Variants in ANKRD26 observed in about 807,000 individuals in gnomAD.
The protein encoded by ANKRD26 is ankyrin repeat domain 26, also known as ankyrin repeat domain-containing protein 26.
A neutral mutation model predicts 208.7 loss-of-function variants in ANKRD26; 141 were observed. That is an observed-to-expected ratio of 0.68 (90% confidence interval 0.59 to 0.78). ANKRD26 has a LOEUF of 0.78. ANKRD26 is among the 30% of genes least tolerant of loss of function. ANKRD26 has a pLI of 0.00. For missense variants in ANKRD26, 1,889 were observed against 1,938.7 expected (o/e 0.97, Z 0.48); for synonymous variants, 636 against 660.4 (o/e 0.96, Z 0.57).
chr10:27,074,542 A>G (rs1282723318), intron 9 of ANKRD26, among the ~76,000 whole-genome samples: 2 of 152,088 alleles, frequency 1.3e-5, no homozygotes, highest in Non-Finnish European at 2.9e-5. Context: ...TTAGCTGGAC[A>G]TGGTAGCGTA....
At chr10:27,056,665 T>C (rs1048337715) in intron 15 of ANKRD26, among the ~76,000 whole-genome samples, 2 of 151,846 alleles carry the variant, frequency 1.3e-5, no homozygotes, top group Non-Finnish European at 2.9e-5. Context: ...TAATCCCAGC[T>C]ACTTGGGAGG....
rs770968616 is a variant in ANKRD26, at chr10:27,061,289, A to G, written c.1364-47T>C. The G allele has an allele frequency of 9.2e-6, 12 of 1,308,766 alleles. No homozygotes were observed. In the Admixed American group the frequency reaches 2.0e-4, roughly 22 times the overall value. The allele number at this position is 1,308,766 out of a possible 1,614,324, so 81.1% of individuals were successfully genotyped here. On this transcript the variant is annotated intron_variant, in intron 12 of 33. Coordinates refer to ENST00000376087, the MANE Select transcript of ANKRD26 (RefSeq NM_014915.3). ...GCTTTCAATATTGTAATATTTATCA[A>G]AAGGAAAAAATTTAATTGCCACAGA...
downstream of ANKRD26, among the ~76,000 whole-genome samples, chr10:26,991,567 C>A (rs181666164): frequency 5.6e-4 from 85 of 152,170 alleles, no homozygotes; most frequent in African/African-American, 1.9e-3. Context: ...CTTAGCCTCC[C>A]GAGTAGCTGA....
chr10:27,009,517 C>A (rs1365333975), intron 32 of ANKRD26, among the ~76,000 whole-genome samples: 1 of 151,970 alleles, frequency 6.6e-6, no homozygotes, highest in Admixed American at 6.6e-5. Flanking sequence ...GTGCCTGATA[C>A]AGACTATGGA....
chr10:27,033,366 T>C lies in ANKRD26; in HGVS notation c.3666A>G (p.Arg1222=). The C allele has an allele frequency of 6.2e-7, 1 of 1,609,666 alleles. No homozygotes were observed. Among genetic ancestry groups the C allele is most frequent in the African/African-American group, 1.3e-5 (1 of 75,016 alleles). ...NEKAEREVVV[R]QLQQELADTL... ...TATCAGCTAGTTCTTGTTGAAGTTG[T>C]CTCACAACAACCTGATAAGACATTT... The change falls in exon 25 of 34, where the codon AGA becomes AGG. Residue 1222 remains arginine, a synonymous_variant. Transcript: ENST00000376087.
chr10:26,963,903 GTTTTTTTTTTTTTT>G, the ANKRD26 span, among the ~76,000 whole-genome samples: 2 of 71,848 alleles, frequency 2.8e-5, no homozygotes, highest in South Asian at 1.1e-3. Context: ...TGGTTGGTTG[GTTTTTTTTTTTTTT>G]TTTTTTTTTT....
chr10:26,980,959 G>A (rs982716431), intron 4 of ANKRD26, among the ~76,000 whole-genome samples: 1 of 152,182 alleles, frequency 6.6e-6, no homozygotes, highest in Non-Finnish European at 1.5e-5. Context: ...CTCCTGTAAG[G>A]AGGTGAGGCA....
intron 9 of ANKRD26, among the ~76,000 whole-genome samples, chr10:27,072,709 C>G (rs183386252): frequency 6.6e-6 from 1 of 152,284 alleles, no homozygotes; most frequent in Admixed American, 6.5e-5. Context: ...TGACACAGCA[C>G]CAAGGAAGTA....
intron 26 of ANKRD26, 45 bp from the exon 27 acceptor site, chr10:27,028,990 T>G: frequency 5.5e-6 from 8 of 1,451,072 alleles, no homozygotes; most frequent in Non-Finnish European, 7.6e-6. Context: ...GATAAATTTT[T>G]AAAATACTGT....
At chr10:26,958,963 G>GT in the ANKRD26 span, among the ~76,000 whole-genome samples, 2 of 152,084 alleles carry the variant, frequency 1.3e-5, no homozygotes, top group African/African-American at 4.8e-5. Flanking sequence ...AGCATCTGTT[G>GT]TTTTTTGAGT....
intron 6 of ANKRD26, chr10:27,080,674 AG>A: frequency 1.0e-6 from 1 of 985,494 alleles, no homozygotes; most frequent in African/African-American, 1.7e-5. Flanking sequence ...AGGGCTCCAT[AG>A]CATCTCCAAC....
Position 27,089,430 on chromosome 10 carries a change from T to C in ANKRD26, c.639-2821A>G, listed in dbSNP as rs539707405. On this transcript the variant is annotated intron_variant, in intron 4 of 33. Coordinates refer to ENST00000376087, the MANE Select transcript of ANKRD26 (RefSeq NM_014915.3). ...TTTTTTATCCCATGCATAGGGGTTA[T>C]AATTGGAATGAAATGAATGATATTG... 2.2e-3 allele frequency among the ~76,000 whole-genome samples: 331 copies of C among 152,314 alleles called. 1 individual carries two copies. Among genetic ancestry groups the C allele is most frequent in the Non-Finnish European group, 4.1e-3 (277 of 68,042 alleles).
intron 20 of ANKRD26, among the ~76,000 whole-genome samples, chr10:27,041,887 T>C (rs1268325435): frequency 1.3e-5 from 2 of 150,770 alleles, no homozygotes; most frequent in African/African-American, 4.9e-5. Context: ...GAGAAAAAAA[T>C]GAAAGCAAAC....
Position 27,057,866 on chromosome 10 carries a change from G to A in ANKRD26, c.1564+2479C>T, listed in dbSNP as rs2054895356. Among the ~76,000 whole-genome samples, 3 of 151,992 alleles carry A rather than the reference G, an allele frequency of 2.0e-5. 1 individual carries two copies. Among genetic ancestry groups the A allele is most frequent in the African/African-American group, 2.4e-5 (1 of 41,452 alleles). Reference sequence around the variant, plus strand: ...GCAGGAGAATCGCTTGAACCTAGGAGGCAGAGGCTGCAGTGAGCCGAGATC... The same window carrying A: ...GCAGGAGAATCGCTTGAACCTAGGAAGCAGAGGCTGCAGTGAGCCGAGATC... On this transcript the variant is annotated intron_variant, in intron 15 of 33. Transcript: ENST00000376087.
Position 27,005,600 on chromosome 10 carries a change from T to C in ANKRD26, c.5123A>G (p.Tyr1708Cys), listed in dbSNP as rs752221672. ...ATAAAATCTTATCTTTCAGATCATA[T>C]AATTTTTCTTTAAAACCTGTACATA... ...REYVQVLKKN[Y>C]MI Residue 1708 changes from tyrosine to cysteine, a missense_variant, in exon 34 of 34, where the codon TAT becomes TGT. This residue lies in a region of ANKRD26 where 613 missense variants were observed against 648.2 expected (regional missense o/e 0.95). Coordinates refer to ENST00000376087, the MANE Select transcript of ANKRD26 (RefSeq NM_014915.3). 24 of 1,610,200 alleles carry C rather than the reference T, an allele frequency of 1.5e-5. No homozygotes were observed. The highest frequency in any genetic ancestry group is 8.9e-5 in the East Asian group (4 of 44,738).
chr10:27,063,994 C>T lies in ANKRD26; in HGVS notation c.1357G>A (p.Ala453Thr), dbSNP rs377291380. The T allele has an allele frequency of 1.9e-5, 31 of 1,605,052 alleles. No homozygotes were observed. The highest frequency in any genetic ancestry group is 2.6e-5 in the Non-Finnish European group (30 of 1,175,068). Residue 453 changes from alanine to threonine, a missense_variant, in exon 12 of 34, where the codon GCA (alanine) becomes ACA (threonine). By Grantham distance (58) the Ala-to-Thr change is moderately conservative. This residue lies in a region of ANKRD26 where 1,272 missense variants were observed against 1,273.8 expected (regional missense o/e 1.00). Coordinates refer to ENST00000376087, the MANE Select transcript of ANKRD26 (RefSeq NM_014915.3). ...GKEKNIGNEQ[A>T]EDVFYIPSCM... Reference sequence around the variant, plus strand: ...AATGAAATATAGCTCTTACCTTCTGCTTGTTCATTTCCTATATTTTTTTCT... The same window carrying T: ...AATGAAATATAGCTCTTACCTTCTGTTTGTTCATTTCCTATATTTTTTTCT...
chr10:27,047,638 AG>A (rs559155349), intron 17 of ANKRD26, among the ~76,000 whole-genome samples: 278 of 152,026 alleles, frequency 1.8e-3, no homozygotes, highest in African/African-American at 6.4e-3. Context: ...AGAAAATAAA[AG>A]AATTTGGTAA....
intron 30 of ANKRD26, among the ~76,000 whole-genome samples, chr10:27,016,679 A>G (rs570133691): frequency 7.9e-5 from 12 of 151,924 alleles, no homozygotes; most frequent in Non-Finnish European, 1.8e-4. Context: ...GGCAAGAGAG[A>G]ACTTTCTGGA....
chr10:27,081,787 GAGTGC>G (rs1233188632), intron 6 of ANKRD26, among the ~76,000 whole-genome samples: 2 of 151,928 alleles, frequency 1.3e-5, no homozygotes, highest in Non-Finnish European at 2.9e-5. Context: ...ACCCAGGCTG[GAGTGC>G]AGTGGCGCAA....
Sources: gnomAD v4.1 joint callset for allele counts (sites outside exome capture counted in the v4.1 genomes callset) on GRCh38, gnomAD v4.1.1 for gene constraint, gnomAD v4.1.1 regional missense constraint, MANE v1.5 for transcripts, NCBI Gene and HGNC (gene_info 2026-07-23, HGNC 2026-07-21) for gene names.